SYT9: variants seen among roughly 807,000 people sequenced by gnomAD.
SYT9 encodes the protein synaptotagmin-9.
A neutral mutation model predicts 48.4 loss-of-function variants in SYT9; 22 were observed. The observed-to-expected ratio is 0.45, with a 90% CI of 0.32 to 0.65. The LOEUF (loss-of-function observed/expected upper bound fraction) is 0.65. Ranked by LOEUF, SYT9 falls within the 30% of genes least tolerant of loss-of-function variation. The pLI is 0.03. For synonymous variants in SYT9, 265 were observed against 245.0 expected (o/e 1.08, Z -0.76); for missense variants, 577 against 622.0 (o/e 0.93, Z 0.77).
At chr11:7,315,482 C>T (rs11041310) in intron 3 of SYT9, among the ~76,000 whole-genome samples, 41,817 of 152,160 alleles carry the variant, frequency 0.27, 6,060 homozygotes, top group Middle Eastern at 0.32. Context: ...TAAGTCTCAT[C>T]TCAGGTATGG....
intron 6 of SYT9, among the ~76,000 whole-genome samples, chr11:7,458,314 C>T (rs1848184427): frequency 6.6e-6 from 1 of 152,072 alleles, no homozygotes; most frequent in Non-Finnish European, 1.5e-5. Flanking sequence ...AACCCCTTCT[C>T]TACTAAAAGT....
In SYT9 at chr11:7,468,458, A is replaced by G. The variant is rs1848368787; in HGVS notation, c.*1658A>G. Reference sequence around the variant, plus strand: ...CAAGGTTCTGCCTATGTCTGATGACATAAGGAAAACTTGGCTTCCTCTGCT... The same window carrying G: ...CAAGGTTCTGCCTATGTCTGATGACGTAAGGAAAACTTGGCTTCCTCTGCT... On this transcript the variant is annotated 3_prime_UTR_variant, in exon 7 of 7. Transcript: ENST00000318881. 5.0e-6 allele frequency: 2 copies of G among 396,712 alleles called. No individual in the cohort carries two copies. Among genetic ancestry groups the G allele is most frequent in the East Asian group, 3.6e-5 (1 of 27,960 alleles). 24.6% of individuals were successfully genotyped at this position (396,712 alleles called of 1,614,324 possible). A position where few individuals can be genotyped will look rare whatever the true frequency, so the allele number is the denominator to read the frequency against.
At chr11:7,390,639 T>C (rs72846022) in intron 3 of SYT9, among the ~76,000 whole-genome samples, 10,509 of 152,216 alleles carry the variant, frequency 0.069, 466 homozygotes, top group Middle Eastern at 0.17. Context: ...AATTGACAAA[T>C]AGAAATTTGT....
At chr11:7,346,555 G>A (rs561681375) in intron 3 of SYT9, among the ~76,000 whole-genome samples, 3 of 152,330 alleles carry the variant, frequency 2.0e-5, no homozygotes, top group Admixed American at 6.5e-5. Context: ...GGAAGAAACA[G>A]GGCTGTGTAC....
chr11:7,353,540 G>A (rs983026457), intron 3 of SYT9, among the ~76,000 whole-genome samples: 1 of 152,224 alleles, frequency 6.6e-6, no homozygotes, highest in African/African-American at 2.4e-5. Flanking sequence ...TTCAGTGAGT[G>A]ATGGCTGTGC....
intron 3 of SYT9, among the ~76,000 whole-genome samples, chr11:7,354,231 C>T (rs1471301642): frequency 6.6e-6 from 1 of 152,216 alleles, no homozygotes; most frequent in African/African-American, 2.4e-5. Flanking sequence ...AAGCTACCCC[C>T]TTGTCTCCTT....
chr11:7,346,407 G>A (rs1023689120), intron 3 of SYT9, among the ~76,000 whole-genome samples: 1 of 152,218 alleles, frequency 6.6e-6, no homozygotes, highest in Non-Finnish European at 1.5e-5. Context: ...GAACAGAGTT[G>A]GCGGATTTGC....
At chr11:7,307,130 C>T (rs951832952) in intron 2 of SYT9, among the ~76,000 whole-genome samples, 1 of 152,188 alleles carries the variant, frequency 6.6e-6, no homozygotes, top group Admixed American at 6.5e-5. Context: ...GACCTTACCT[C>T]TGAATTAAGC....
rs796168954 is a variant in SYT9, at chr11:7,267,641, GA to G, written c.145+15319del. On this transcript the variant is annotated intron_variant, in intron 1 of 6. Coordinates refer to ENST00000318881, the MANE Select transcript of SYT9 (RefSeq NM_175733.4). The stretch of plus-strand genomic sequence containing the variant: ...TTAATAGCAAATAAATACAGCAATA[GA>G]AAAAAAAATGCATTGAAGTTAAGAG... Among the ~76,000 whole-genome samples, 210 of 146,682 alleles carry G rather than the reference GA, an allele frequency of 1.4e-3. No individual in the cohort carries two copies. The Middle Eastern group carries it at 0.028, about 20-fold the overall frequency.
chr11:7,272,118 G>A (rs1001617098), intron 1 of SYT9, among the ~76,000 whole-genome samples: 1 of 152,090 alleles, frequency 6.6e-6, no homozygotes, highest in Non-Finnish European at 1.5e-5. Context: ...GTATAATCTG[G>A]GGAGAATTAC....
intron 3 of SYT9, among the ~76,000 whole-genome samples, chr11:7,396,603 ATAAC>A (rs1325971167): frequency 1.3e-5 from 2 of 152,102 alleles, no homozygotes; most frequent in Non-Finnish European, 2.9e-5. Context: ...ACTTGGGTAA[ATAAC>A]TAAGTGTGGG....
chr11:7,305,647 C>T (rs1849017074), intron 2 of SYT9, among the ~76,000 whole-genome samples: 1 of 152,230 alleles, frequency 6.6e-6, no homozygotes, highest in Admixed American at 6.5e-5. Context: ...TGAGAAAGCT[C>T]TAAACAGTCT....
At chr11:7,247,168 G>C (rs1233415902), upstream of SYT9, among the ~76,000 whole-genome samples, 1 of 152,102 alleles carries the variant, frequency 6.6e-6, no homozygotes, top group Non-Finnish European at 1.5e-5. Context: ...AAATTCTTTA[G>C]AGATGATTTG....
intron 3 of SYT9, among the ~76,000 whole-genome samples, chr11:7,350,049 GAT>G (rs1849882195): frequency 6.6e-6 from 1 of 152,174 alleles, no homozygotes; most frequent in Non-Finnish European, 1.5e-5. Flanking sequence ...ACCCACCGAG[GAT>G]GCCTCATGGG....
chr11:7,367,509 G>T (rs1170240518), intron 3 of SYT9, among the ~76,000 whole-genome samples: 1 of 152,028 alleles, frequency 6.6e-6, no homozygotes, highest in African/African-American at 2.4e-5. Context: ...TGTAATAGAC[G>T]AAATATGGCA....
chr11:7,348,165 A>G (rs974187251), intron 3 of SYT9, among the ~76,000 whole-genome samples: 25 of 152,172 alleles, frequency 1.6e-4, no homozygotes, highest in African/African-American at 5.8e-4. Context: ...ACATTCTCCT[A>G]GAAAAACTAC....
At chr11:7,452,000 C>G (rs1305466336) in intron 6 of SYT9, among the ~76,000 whole-genome samples, 1 of 150,432 alleles carries the variant, frequency 6.6e-6, no homozygotes, top group Non-Finnish European at 1.5e-5. Flanking sequence ...AGTCTGCACA[C>G]ACAAAAGCAG....
At chr11:7,406,447 A>T (rs893441551) in intron 3 of SYT9, among the ~76,000 whole-genome samples, 1 of 150,796 alleles carries the variant, frequency 6.6e-6, no homozygotes, top group Admixed American at 6.6e-5. Context: ...GACTTATTTC[A>T]CTTAACGTAA....
At chr11:7,353,428 C>A (rs192251133) in intron 3 of SYT9, among the ~76,000 whole-genome samples, 166 of 152,274 alleles carry the variant, frequency 1.1e-3, no homozygotes, top group African/African-American at 3.9e-3. Context: ...CCCCAGGAAC[C>A]CCCTTGGCGA....
Sources: allele counts gnomAD v4.1 joint callset (sites outside exome capture counted in the v4.1 genomes callset), GRCh38; gene constraint gnomAD v4.1.1; transcripts MANE v1.5; gene names NCBI Gene and HGNC (gene_info 2026-07-23, HGNC 2026-07-21).